CACNA1C: variants seen among roughly 807,000 people sequenced by gnomAD.
CACNA1C encodes the protein voltage-dependent L-type calcium channel subunit alpha-1C.
In CACNA1C, 30 loss-of-function variants were observed where a neutral mutation model predicts 229.0. The observed-to-expected ratio is 0.13, with a 90% CI of 0.10 to 0.18. The LOEUF is 0.18. Ranked by LOEUF, CACNA1C falls within the 10% of genes least tolerant of loss-of-function variation. The pLI, the probability that CACNA1C is intolerant of heterozygous loss-of-function variation, is 1.00. For missense variants in CACNA1C, 1,658 were observed against 2,845.0 expected (o/e 0.58, Z 9.49); for synonymous variants, 1,114 against 1,132.5 (o/e 0.98, Z 0.33).
chr12:2,329,256 T>A (rs1193410672), intron 3 of CACNA1C, among the ~76,000 whole-genome samples: 1 of 152,234 alleles, frequency 6.6e-6, no homozygotes, highest in Admixed American at 6.5e-5. Flanking sequence ...AACTTTGGAA[T>A]GGTTTTGATT....
intron 1 of CACNA1C, among the ~76,000 whole-genome samples, chr12:2,083,249 C>T (rs1458647361): frequency 6.6e-6 from 1 of 152,230 alleles, no homozygotes; most frequent in African/African-American, 2.4e-5. Flanking sequence ...TGGTGTCTTA[C>T]AGGCAAACAA....
chr12:2,637,984 T>C (rs950173115), intron 30 of CACNA1C, among the ~76,000 whole-genome samples: 1 of 152,188 alleles, frequency 6.6e-6, no homozygotes, highest in African/African-American at 2.4e-5. Context: ...GCCCTCCCTC[T>C]CAGGAACCAT....
chr12:2,242,641 C>A (rs1191981450), intron 3 of CACNA1C, among the ~76,000 whole-genome samples: 2 of 152,248 alleles, frequency 1.3e-5, no homozygotes, highest in Non-Finnish European at 2.9e-5. Flanking sequence ...CAACCGGATT[C>A]TTTACTTCCT....
chr12:2,385,816 T>C (rs188199916), intron 3 of CACNA1C, among the ~76,000 whole-genome samples: 98 of 152,304 alleles, frequency 6.4e-4, no homozygotes, highest in Non-Finnish European at 1.0e-3. Context: ...CTTTTTAAAA[T>C]TACCCGTGCC....
chr12:2,323,012 GTTC>G (rs1304384935), intron 3 of CACNA1C, among the ~76,000 whole-genome samples: 7 of 152,170 alleles, frequency 4.6e-5, no homozygotes, highest in Non-Finnish European at 1.5e-5. Context: ...GGTCTCTGAA[GTTC>G]TTCTTTCTTG....
chr12:2,522,696 C>T (rs2099812278), intron 9 of CACNA1C, among the ~76,000 whole-genome samples: 2 of 152,094 alleles, frequency 1.3e-5, no homozygotes, highest in South Asian at 2.1e-4. Context: ...ATCATGGATA[C>T]ATTTCAGCCC....
At chr12:2,417,766 T>G (rs895385699) in intron 3 of CACNA1C, among the ~76,000 whole-genome samples, 42 of 152,230 alleles carry the variant, frequency 2.8e-4, no homozygotes, top group South Asian at 1.2e-3. Context: ...CTGACAGTTT[T>G]GGAAACCAGA....
At chr12:2,245,058 A>C in intron 3 of CACNA1C, among the ~76,000 whole-genome samples, 1 of 152,228 alleles carries the variant, frequency 6.6e-6, no homozygotes, top group East Asian at 1.9e-4. Context: ...TCTTTCAAAA[A>C]GAAAGTGTCT....
At chr12:2,172,202 C>T (rs191300309) in intron 3 of CACNA1C, among the ~76,000 whole-genome samples, 183 of 152,228 alleles carry the variant, frequency 1.2e-3, no homozygotes, top group African/African-American at 4.1e-3. Flanking sequence ...GGAGCTTGAG[C>T]GCAGGGAAGT....
chr12:2,440,296 G>A (rs892296877), intron 3 of CACNA1C, among the ~76,000 whole-genome samples: 4 of 152,102 alleles, frequency 2.6e-5, no homozygotes, highest in Admixed American at 2.0e-4. Flanking sequence ...CCTTCCCCCA[G>A]CCCCTCGTAA....
intron 7 of CACNA1C, among the ~76,000 whole-genome samples, chr12:2,502,293 A>G (rs998014334): frequency 5.9e-5 from 9 of 152,250 alleles, no homozygotes; most frequent in African/African-American, 2.2e-4. Context: ...AGGACCTACT[A>G]TGTGCGAGGC....
intron 3 of CACNA1C, among the ~76,000 whole-genome samples, chr12:2,266,691 T>C (rs1018100308): frequency 1.3e-5 from 2 of 152,216 alleles, no homozygotes; most frequent in Non-Finnish European, 2.9e-5. Context: ...GTCTTCCCAC[T>C]TCAAGGAATG....
At chr12:2,562,218 C>T (rs2047876214) in intron 11 of CACNA1C, among the ~76,000 whole-genome samples, 1 of 152,084 alleles carries the variant, frequency 6.6e-6, no homozygotes, top group African/African-American at 2.4e-5. Flanking sequence ...CCAGCCTGAC[C>T]ACACAGCACC....
chr12:2,160,092 CTGCCCTAT>C (rs1222447601), intron 3 of CACNA1C, among the ~76,000 whole-genome samples: 1 of 152,210 alleles, frequency 6.6e-6, no homozygotes, highest in Non-Finnish European at 1.5e-5. Flanking sequence ...TAGTTACCAC[CTGCCCTAT>C]ACGCCTCTGG....
intron 29 of CACNA1C, chr12:2,614,115 C>T (rs982104403): frequency 3.9e-5 from 6 of 152,192 alleles, no homozygotes; most frequent in African/African-American, 1.4e-4. Flanking sequence ...AAAGACACTC[C>T]ACCTAAATCC....
rs574020006 is a variant in CACNA1C, at chr12:2,012,760, A to G, written c.139+41559A>G. On this transcript the variant is annotated intron_variant, in intron 1 of 46. Coordinates refer to the CACNA1C transcript ENST00000682462. ...ACAGGCAAGTACCAGAATTTGGAGAAAAGGAAGGAGGATCAGTGAGACCTC... is the reference window on the plus strand; with the variant it reads ...ACAGGCAAGTACCAGAATTTGGAGAGAAGGAAGGAGGATCAGTGAGACCTC... Among the ~76,000 whole-genome samples, 3 of 152,350 alleles carry G rather than the reference A, an allele frequency of 2.0e-5. No homozygotes were observed. The South Asian group carries it at 6.2e-4, about 32-fold the overall frequency.
At chr12:2,611,468 G>A (rs2077735565) in intron 28 of CACNA1C, among the ~76,000 whole-genome samples, 1 of 149,200 alleles carries the variant, frequency 6.7e-6, no homozygotes, top group South Asian at 2.2e-4. Context: ...AGATGGAGAA[G>A]GGAGGGATGA....
chr12:2,400,103 T>G (rs2098655954), intron 3 of CACNA1C, among the ~76,000 whole-genome samples: 1 of 152,212 alleles, frequency 6.6e-6, no homozygotes, highest in Non-Finnish European at 1.5e-5. Context: ...CCTGGTACTT[T>G]GCATTATCTC....
chr12:2,411,670 A>G (rs2098808494), intron 3 of CACNA1C, among the ~76,000 whole-genome samples: 1 of 152,198 alleles, frequency 6.6e-6, no homozygotes, highest in Non-Finnish European at 1.5e-5. Flanking sequence ...GGGAGCCCAG[A>G]GGTTTCCAGG....
Sources: allele counts gnomAD v4.1 joint callset (sites outside exome capture counted in the v4.1 genomes callset), GRCh38; gene constraint gnomAD v4.1.1; transcripts MANE v1.5; gene names NCBI Gene and HGNC (gene_info 2026-07-23, HGNC 2026-07-21).